Variants in RALYL observed in about 807,000 individuals in gnomAD.
RALYL encodes RALY RNA binding protein like.
RALYL carries 29 observed loss-of-function variants against 35.1 expected under a neutral mutation model. The ratio of observed to expected loss-of-function variants is 0.83; its 90% CI spans 0.61 to 1.13. The LOEUF (loss-of-function observed/expected upper bound fraction) is 1.13. Ranked by LOEUF, RALYL falls within the 50% of genes most tolerant of loss-of-function variation. RALYL has a pLI of 0.00. For missense variants in RALYL, 359 were observed against 360.4 expected (o/e 1.00, Z 0.03); for synonymous variants, 120 against 127.6 (o/e 0.94, Z 0.40).
chr8:84,723,199 G>A (rs1234333642), intron 2 of RALYL, among the ~76,000 whole-genome samples: 1 of 151,958 alleles, frequency 6.6e-6, no homozygotes, highest in Non-Finnish European at 1.5e-5. Flanking sequence ...TCTGAGATTT[G>A]TTTTATTGAG....
chr8:84,670,659 C>A (rs1833031575), intron 2 of RALYL, among the ~76,000 whole-genome samples: 1 of 152,010 alleles, frequency 6.6e-6, no homozygotes, highest in Non-Finnish European at 1.5e-5. Flanking sequence ...GGGGAACTGC[C>A]CTTTATAAAA....
chr8:84,731,025 T>C (rs1158794105), intron 2 of RALYL, among the ~76,000 whole-genome samples: 3 of 152,036 alleles, frequency 2.0e-5, no homozygotes, highest in East Asian at 1.9e-4. Flanking sequence ...GAGAAGAGAA[T>C]GTGAGAAAGA....
intron 1 of RALYL, among the ~76,000 whole-genome samples, chr8:84,346,562 G>A (rs2130983802): frequency 6.6e-6 from 1 of 152,176 alleles, no homozygotes; most frequent in East Asian, 1.9e-4. Context: ...TTCGCCTCCT[G>A]GGTTCAAGTG....
intron 2 of RALYL, among the ~76,000 whole-genome samples, chr8:84,630,129 G>C (rs983205525): frequency 4.0e-5 from 6 of 151,866 alleles, no homozygotes; most frequent in African/African-American, 1.4e-4. Context: ...CACAACAAAT[G>C]ACAAAAATAA....
chr8:84,423,172 G>A (rs1317564470), intron 1 of RALYL, among the ~76,000 whole-genome samples: 3 of 151,154 alleles, frequency 2.0e-5, no homozygotes, highest in African/African-American at 7.4e-5. Context: ...CGTTATTAAT[G>A]TGTGGGAGTC....
chr8:84,783,943 T>C (rs1347670200), intron 3 of RALYL, among the ~76,000 whole-genome samples: 1 of 152,208 alleles, frequency 6.6e-6, no homozygotes, highest in Non-Finnish European at 1.5e-5. Context: ...AGGGCTCAGG[T>C]TCAGGTTTCC....
chr8:84,233,890 G>A (rs73297898), intron 1 of RALYL, among the ~76,000 whole-genome samples: 1 of 152,166 alleles, frequency 6.6e-6, no homozygotes, highest in African/African-American at 2.4e-5. Flanking sequence ...CTTTTGGATG[G>A]TGATTTCCTT....
chr8:84,442,376 T>C (rs940538207), intron 1 of RALYL, among the ~76,000 whole-genome samples: 2 of 152,174 alleles, frequency 1.3e-5, no homozygotes, highest in South Asian at 4.1e-4. Flanking sequence ...ATGCCGTACA[T>C]AGAGTCTATT....
chr8:84,516,816 T>C (rs1380603879), intron 1 of RALYL, among the ~76,000 whole-genome samples: 2 of 152,194 alleles, frequency 1.3e-5, no homozygotes, highest in African/African-American at 4.8e-5. Context: ...GATATGGGTA[T>C]TCTATCTTCT....
chr8:84,275,673 A>G, intron 1 of RALYL, among the ~76,000 whole-genome samples: 1 of 152,172 alleles, frequency 6.6e-6, no homozygotes, highest in East Asian at 1.9e-4. Context: ...TTTGACCATC[A>G]TCTTCTCAAT....
chr8:84,209,994 A>G (rs1006605141), intron 1 of RALYL, among the ~76,000 whole-genome samples: 1 of 152,128 alleles, frequency 6.6e-6, no homozygotes, highest in Non-Finnish European at 1.5e-5. Flanking sequence ...TACTTTTCTC[A>G]TATGGAAAAC....
At chr8:84,405,766 G>A (rs549754302) in intron 1 of RALYL, among the ~76,000 whole-genome samples, 14 of 149,822 alleles carry the variant, frequency 9.3e-5, no homozygotes, top group African/African-American at 3.4e-4. Context: ...ATAAGGATGT[G>A]TCTAAATAAA....
At chr8:84,417,430 T>C (rs2044843513) in intron 1 of RALYL, among the ~76,000 whole-genome samples, 1 of 152,074 alleles carries the variant, frequency 6.6e-6, no homozygotes, top group Non-Finnish European at 1.5e-5. Flanking sequence ...GCATGGCTTA[T>C]TTTCTTTTCA....
In RALYL at chr8:84,241,175, C is replaced by T. The variant is rs181119955; in HGVS notation, c.-24+56751C>T. Among the ~76,000 whole-genome samples, 41 of 152,260 alleles carry T rather than the reference C, an allele frequency of 2.7e-4. 1 individual carries two copies. The highest frequency in any genetic ancestry group is 5.9e-5 in the Non-Finnish European group (4 of 68,022). The stretch of plus-strand genomic sequence containing the variant: ...GTGCACACACACAAGTACCTCCCCT[C>T]CATATATTTCTCCAACAAATTCATT... On this transcript the variant is annotated intron_variant, in intron 1 of 8. Transcript: ENST00000521268.
At chr8:84,556,069 A>C (rs1313607931) in intron 2 of RALYL, among the ~76,000 whole-genome samples, 1 of 152,240 alleles carries the variant, frequency 6.6e-6, no homozygotes, top group African/African-American at 2.4e-5. Context: ...CATATCATGT[A>C]CATTTGCAGG....
intron 8 of RALYL, among the ~76,000 whole-genome samples, chr8:84,918,074 T>C (rs1380854189): frequency 6.6e-6 from 1 of 152,024 alleles, no homozygotes; most frequent in Non-Finnish European, 1.5e-5. Flanking sequence ...GTGACCTGTC[T>C]TACCTACAGT....
At chr8:84,424,241 G>T (rs1339945789) in intron 1 of RALYL, among the ~76,000 whole-genome samples, 1 of 148,712 alleles carries the variant, frequency 6.7e-6, no homozygotes. Context: ...TGGAGGCTTT[G>T]CTCATTTGTT....
intron 1 of RALYL, among the ~76,000 whole-genome samples, chr8:84,369,302 G>GTATTTATTTATTTATT (rs143936722): frequency 6.0e-4 from 91 of 151,220 alleles, no homozygotes; most frequent in African/African-American, 2.0e-3. Context: ...GAAAAAACTA[G>GTATTTATTTATTTATT]TATTTATTTA....
intron 2 of RALYL, among the ~76,000 whole-genome samples, chr8:84,751,505 G>T (rs1446781870): frequency 6.6e-6 from 1 of 152,032 alleles, no homozygotes; most frequent in African/African-American, 2.4e-5. Context: ...ACCACGCCTG[G>T]CCTGGTTTAT....
Sources: allele counts gnomAD v4.1 joint callset (sites outside exome capture counted in the v4.1 genomes callset), GRCh38; gene constraint gnomAD v4.1.1; transcripts MANE v1.5; gene names NCBI Gene and HGNC (gene_info 2026-07-23, HGNC 2026-07-21).